EXOC4: variants seen among roughly 807,000 people sequenced by gnomAD.
The protein encoded by EXOC4 is exocyst complex component 4, also known as SEC8-like 1.
A neutral mutation model predicts 107.2 loss-of-function variants in EXOC4; 71 were observed. The observed-to-expected ratio is 0.66, with a 90% CI of 0.55 to 0.81. The LOEUF is 0.81. Ranked by LOEUF, EXOC4 falls within the 30% of genes least tolerant of loss-of-function variation. EXOC4 has a pLI of 0.00. For synonymous variants in EXOC4, 456 were observed against 441.2 expected (o/e 1.03, Z -0.42); for missense variants, 1,108 against 1,189.6 (o/e 0.93, Z 1.01).
intron 5 of EXOC4, among the ~76,000 whole-genome samples, chr7:133,322,229 T>C (rs887216559): frequency 2.0e-5 from 3 of 152,166 alleles, no homozygotes. Context: ...TTTAATTAGA[T>C]CCCATTTGTC....
At chr7:133,606,776 A>G (rs1363893592) in intron 9 of EXOC4, among the ~76,000 whole-genome samples, 1 of 151,992 alleles carries the variant, frequency 6.6e-6, no homozygotes, top group East Asian at 1.9e-4. Context: ...TTAGCCTCCC[A>G]AAGTGCTAGG....
At chr7:133,362,024 A>G (rs1796147555) in intron 6 of EXOC4, among the ~76,000 whole-genome samples, 1 of 152,190 alleles carries the variant, frequency 6.6e-6, no homozygotes, top group African/African-American at 2.4e-5. Flanking sequence ...TTACATATAT[A>G]GGAAATTTGT....
At chr7:133,367,473 T>C (rs1413693697) in intron 6 of EXOC4, among the ~76,000 whole-genome samples, 1 of 152,174 alleles carries the variant, frequency 6.6e-6, no homozygotes, top group Non-Finnish European at 1.5e-5. Flanking sequence ...TTGGGACTTT[T>C]AGCAACAGCT....
intron 7 of EXOC4, among the ~76,000 whole-genome samples, chr7:133,413,757 T>A (rs1797413375): frequency 6.6e-6 from 1 of 152,126 alleles, no homozygotes; most frequent in Admixed American, 6.6e-5. Context: ...ACTTTAGCTG[T>A]CACTTCATTT....
At chr7:133,971,478 CAT>C (rs1254624204) in intron 14 of EXOC4, among the ~76,000 whole-genome samples, 5 of 149,478 alleles carry the variant, frequency 3.3e-5, no homozygotes, top group East Asian at 3.9e-4. Flanking sequence ...TATATATACA[CAT>C]ATATACATAA....
chr7:134,007,910 T>G, intron 17 of EXOC4, 75 bp downstream of exon 17: 1 of 1,375,570 alleles, frequency 7.3e-7, no homozygotes, highest in Non-Finnish European at 9.9e-7. Context: ...TTTTTAAAAA[T>G]AGACTCTTGG....
In EXOC4 at chr7:133,685,415, A is replaced by T. The variant is rs891036990; in HGVS notation, c.1514+55274A>T. Among the ~76,000 whole-genome samples, 5 of 152,228 alleles carry T rather than the reference A, an allele frequency of 3.3e-5. No homozygotes were observed. The East Asian group carries it at 7.8e-4, about 24-fold the overall frequency. ...TGCTTCCCCGTCACCTTCTGCCATG[A>T]TTGTAAGTTTCCTGAGACCTCCCCA... is the stretch of plus-strand genomic sequence containing the variant. On this transcript the variant is annotated intron_variant, in intron 10 of 17. Coordinates refer to ENST00000253861, the MANE Select transcript of EXOC4 (RefSeq NM_021807.4).
chr7:134,041,348 T>A (rs1266457787), intron 17 of EXOC4, among the ~76,000 whole-genome samples: 1 of 152,148 alleles, frequency 6.6e-6, no homozygotes, highest in African/African-American at 2.4e-5. Context: ...TTTAGATAAT[T>A]TTTTACTATA....
At chr7:133,572,879 A>C (rs563886050) in intron 9 of EXOC4, among the ~76,000 whole-genome samples, 20 of 152,328 alleles carry the variant, frequency 1.3e-4, no homozygotes, top group African/African-American at 4.6e-4. Context: ...ACAGTTTTCA[A>C]TTTAATAATC....
intron 5 of EXOC4, among the ~76,000 whole-genome samples, chr7:133,333,750 A>G (rs1390053160): frequency 1.3e-5 from 2 of 152,194 alleles, no homozygotes; most frequent in Non-Finnish European, 1.5e-5. Context: ...ATCCATGTCA[A>G]CCACTGCAGT....
At chr7:133,409,351 A>G (rs1413605916) in intron 7 of EXOC4, among the ~76,000 whole-genome samples, 1 of 152,244 alleles carries the variant, frequency 6.6e-6, no homozygotes, top group Admixed American at 6.5e-5. Context: ...AAATCCATGT[A>G]TAAATGTCTG....
At chr7:133,833,022 T>C (rs1797842905) in intron 11 of EXOC4, among the ~76,000 whole-genome samples, 2 of 152,070 alleles carry the variant, frequency 1.3e-5, no homozygotes, top group Non-Finnish European at 2.9e-5. Flanking sequence ...TAGCAGTTCT[T>C]TCCAGGAAAA....
At chr7:133,735,173 C>A (rs1198179658) in intron 10 of EXOC4, among the ~76,000 whole-genome samples, 4 of 117,182 alleles carry the variant, frequency 3.4e-5, no homozygotes, top group Non-Finnish European at 6.4e-5. Context: ...TTGCAGTGAG[C>A]CAAGCCACTG....
At chr7:133,921,973 GTTCT>G (rs1554421162) in intron 13 of EXOC4, among the ~76,000 whole-genome samples, 1 of 152,076 alleles carries the variant, frequency 6.6e-6, no homozygotes, top group Non-Finnish European at 1.5e-5. Context: ...AGTGTCTCCA[GTTCT>G]TTCCTTGGCC....
At chr7:133,756,555 G>C (rs1439265008) in intron 10 of EXOC4, among the ~76,000 whole-genome samples, 6 of 152,176 alleles carry the variant, frequency 3.9e-5, no homozygotes, top group African/African-American at 1.4e-4. Flanking sequence ...ACCCCACTGA[G>C]AATGCGGTGA....
At chr7:133,287,245 T>C (rs1257355849) in intron 2 of EXOC4, among the ~76,000 whole-genome samples, 1 of 152,156 alleles carries the variant, frequency 6.6e-6, no homozygotes, top group Non-Finnish European at 1.5e-5. Context: ...ATTGGAATCA[T>C]CTTCATCAGA....
rs890466808 is a variant in EXOC4 at position 133,968,464 on chromosome 7, G to A, written c.2207-29028G>A. Among the ~76,000 whole-genome samples, 15 of 152,256 alleles carry A rather than the reference G, an allele frequency of 9.9e-5. No individual in the cohort carries two copies. The East Asian group carries it at 2.9e-3, about 29-fold the overall frequency. ...GGTCTTTACAATTTGGTATGTTTTT[G>A]CAGTGGCTGGTACCAGCTTTTCTTT... On this transcript the variant is annotated intron_variant, in intron 14 of 17. Transcript: ENST00000253861.
chr7:133,404,495 A>C (rs1443438814), intron 7 of EXOC4, among the ~76,000 whole-genome samples: 1 of 150,616 alleles, frequency 6.6e-6, no homozygotes, highest in Non-Finnish European at 1.5e-5. Flanking sequence ...TGTGCATCTC[A>C]CATTAGTTTC....
intron 10 of EXOC4, among the ~76,000 whole-genome samples, chr7:133,804,546 G>A (rs534248783): frequency 4.9e-4 from 75 of 152,260 alleles, no homozygotes; most frequent in African/African-American, 1.7e-3. Flanking sequence ...TAAATGTAAT[G>A]AAATCCATCC....
Sources: gnomAD v4.1 joint callset for allele counts (sites outside exome capture counted in the v4.1 genomes callset) on GRCh38, gnomAD v4.1.1 for gene constraint, MANE v1.5 for transcripts, NCBI Gene and HGNC (gene_info 2026-07-23, HGNC 2026-07-21) for gene names.